Variants in SLIT2 observed in about 807,000 individuals in gnomAD.
The protein encoded by SLIT2 is slit homolog 2 protein.
A neutral mutation model predicts 185.7 loss-of-function variants in SLIT2; 41 were observed. That is an observed-to-expected ratio of 0.22 (90% CI 0.17 to 0.29). The LOEUF is 0.29. Ranked by LOEUF, SLIT2 falls within the 10% of genes least tolerant of loss-of-function variation. The pLI is 1.00. For missense variants in SLIT2, 1,571 were observed against 1,909.0 expected, an observed-to-expected ratio of 0.82 and a Z score of 3.30; for synonymous variants, 693 against 680.2, an observed-to-expected ratio of 1.02 and a Z score of -0.29.
intron 29 of SLIT2, among the ~76,000 whole-genome samples, chr4:20,569,993 C>T (rs142987896): frequency 1.2e-4 from 19 of 152,052 alleles, no homozygotes; most frequent in South Asian, 8.3e-4. Context: ...ATTATTAAAA[C>T]GGAAGCTTTT....
chr4:20,518,220 T>C (rs1203476008), intron 11 of SLIT2, among the ~76,000 whole-genome samples: 19 of 133,560 alleles, frequency 1.4e-4, no homozygotes, highest in South Asian at 2.4e-4. Flanking sequence ...TATATATATA[T>C]ACATATATAT....
chr4:20,612,603 G>A (rs1729307637), intron 34 of SLIT2, among the ~76,000 whole-genome samples: 1 of 152,062 alleles, frequency 6.6e-6, no homozygotes, highest in African/African-American at 2.4e-5. Context: ...AGGAGAGCAA[G>A]GTAACTAAGT....
chr4:20,324,393 T>G (rs1164972142), intron 4 of SLIT2, among the ~76,000 whole-genome samples: 1 of 149,098 alleles, frequency 6.7e-6, no homozygotes, highest in South Asian at 2.1e-4. Flanking sequence ...GCCATTTCCC[T>G]GCTCTCTTTG....
chr4:20,353,508 TAATG>T (rs796577640), intron 4 of SLIT2, among the ~76,000 whole-genome samples: 25 of 152,190 alleles, frequency 1.6e-4, no homozygotes, highest in East Asian at 9.6e-4. Flanking sequence ...CTAGTACAAA[TAATG>T]AAGAATATTT....
At position 20,529,069 on chromosome 4, in the gene SLIT2, C is replaced by T. The variant is rs1324795982; in HGVS notation, c.1583C>T (p.Pro528Leu). ...DCSNQKLNKI[P>L]EHIPQYTAEL... ...TCTAATCAAAAGCTCAACAAAATCC[C>T]GGAGCACATTCCCCAGTACACTGCA... Residue 528 changes from proline (P) to leucine (L), a missense_variant, in exon 16 of 37, where the codon CCG becomes CTG. Physicochemically the swap from Pro to Leu is moderately conservative, Grantham distance 98 (BLOSUM62 -3). Transcript: ENST00000504154. The T allele has an allele frequency of 2.5e-6, 4 of 1,613,746 alleles. No individual in the cohort carries two copies. Among genetic ancestry groups the T allele is most frequent in the South Asian group, 1.1e-5 (1 of 91,032 alleles).
In SLIT2 at chr4:20,362,605, T is replaced by G. The variant is rs1722826344; in HGVS notation, c.395+93724T>G. ...TTTAATTATATAAATTTTTATATTC[T>G]GTGCTGTTTTACTTTTTTGTATTTT... On this transcript the variant is annotated intron_variant, in intron 4 of 36. Coordinates refer to ENST00000504154, the MANE Select transcript of SLIT2 (RefSeq NM_004787.4). 2.0e-5 allele frequency among the ~76,000 whole-genome samples: 3 copies of G among 151,832 alleles called. No homozygotes were observed. In the South Asian group the frequency reaches 6.2e-4, roughly 31 times the overall value.
intron 4 of SLIT2, among the ~76,000 whole-genome samples, chr4:20,331,239 G>A (rs1720042649): frequency 1.3e-5 from 2 of 152,020 alleles, no homozygotes; most frequent in Non-Finnish European, 2.9e-5. Context: ...AATTATGATG[G>A]CATAGGAAAA....
chr4:20,286,282 C>G (rs1184225167), intron 4 of SLIT2, among the ~76,000 whole-genome samples: 1 of 152,100 alleles, frequency 6.6e-6, no homozygotes. Flanking sequence ...TATCCTCTCT[C>G]CCCCACCCTC....
intron 4 of SLIT2, among the ~76,000 whole-genome samples, chr4:20,269,309 C>T (rs73803837): frequency 0.014 from 2,176 of 151,644 alleles, 58 homozygotes; most frequent in African/African-American, 0.05. Flanking sequence ...TTTATTAGTC[C>T]GAAATATTAT....
intron 16 of SLIT2, among the ~76,000 whole-genome samples, chr4:20,531,053 A>T (rs919868857): frequency 6.6e-6 from 1 of 152,004 alleles, no homozygotes; most frequent in African/African-American, 2.4e-5. Context: ...TAAAGCTTCT[A>T]TGGAAATCTT....
intron 4 of SLIT2, among the ~76,000 whole-genome samples, chr4:20,274,674 A>C (rs2109041390): frequency 6.6e-6 from 1 of 152,014 alleles, no homozygotes; most frequent in South Asian, 2.1e-4. Flanking sequence ...GGACCTTCTG[A>C]GTGTGAAATC....
chr4:20,415,213 C>A (rs1560403293), intron 4 of SLIT2, among the ~76,000 whole-genome samples: 1 of 152,066 alleles, frequency 6.6e-6, no homozygotes, highest in Non-Finnish European at 1.5e-5. Context: ...AGACAGAGAC[C>A]ATCCTGGCTA....
chr4:20,337,561 T>C (rs1560329937), intron 4 of SLIT2, among the ~76,000 whole-genome samples: 1 of 152,164 alleles, frequency 6.6e-6, no homozygotes, highest in Non-Finnish European at 1.5e-5. Context: ...GCAAAGAGCT[T>C]AAGTAATTGA....
chr4:20,342,709 C>G (rs535513903), intron 4 of SLIT2, among the ~76,000 whole-genome samples: 2 of 132,104 alleles, frequency 1.5e-5, no homozygotes, highest in South Asian at 4.8e-4. Context: ...CATTCATCGA[C>G]TATCGCACTT....
intron 4 of SLIT2, among the ~76,000 whole-genome samples, chr4:20,435,742 C>T (rs924498695): frequency 6.6e-6 from 1 of 152,144 alleles, no homozygotes; most frequent in Non-Finnish European, 1.5e-5. Flanking sequence ...TAGATCAGAG[C>T]ATTCCAAATG....
intron 20 of SLIT2, 82 bp from the exon 21 acceptor site, chr4:20,542,407 TGTTAA>T (rs1324775775): frequency 8.8e-6 from 11 of 1,252,484 alleles, no homozygotes; most frequent in Middle Eastern, 3.9e-4. Context: ...CTCTTGTGTT[TGTTAA>T]GTTAATTTAA....
intron 5 of SLIT2, among the ~76,000 whole-genome samples, chr4:20,469,637 T>A (rs976691126): frequency 7.9e-5 from 12 of 152,056 alleles, no homozygotes; most frequent in Admixed American, 2.6e-4. Flanking sequence ...TGAGTTTTTT[T>A]AAAATTATTA....
intron 33 of SLIT2, 150 bp downstream of exon 33, chr4:20,598,545 C>A: frequency 1.3e-6 from 1 of 794,802 alleles, no homozygotes; most frequent in Non-Finnish European, 2.0e-6. Context: ...CTGGCAGGAA[C>A]AGAGGGCATA....
intron 4 of SLIT2, among the ~76,000 whole-genome samples, chr4:20,320,096 C>G (rs1577425139): frequency 6.6e-6 from 1 of 152,238 alleles, no homozygotes; most frequent in East Asian, 1.9e-4. Context: ...TAGTCACACA[C>G]AATTCTTACC....
Sources: allele counts gnomAD v4.1 joint callset (sites outside exome capture counted in the v4.1 genomes callset), GRCh38; gene constraint gnomAD v4.1.1; transcripts MANE v1.5; gene names NCBI Gene and HGNC (gene_info 2026-07-23, HGNC 2026-07-21).